The following SPG7 variants were observed in gnomAD, a reference collection of about 807,000 sequenced individuals.
The protein encoded by SPG7 is mitochondrial inner membrane m-AAA protease component paraplegin.
Under a neutral mutation model 81.9 loss-of-function variants are expected in SPG7, and 103 were observed. The ratio of observed to expected loss-of-function variants is 1.26; its 90% confidence interval spans 1.07 to 1.48. The LOEUF is 1.48. Ranked by LOEUF, SPG7 falls within the 40% of genes most tolerant of loss-of-function variation. The probability of loss-of-function intolerance (pLI) is 0.00; values close to 1 mark genes in which losing one functional copy is unlikely to be tolerated. For missense variants in SPG7, 1,241 were observed against 1,087.3 expected (o/e 1.14, Z -1.99); for synonymous variants, 534 against 444.2 (o/e 1.20, Z -2.54).
chr16:89,511,658 T>C (rs531865055), intron 2 of SPG7, among the ~76,000 whole-genome samples: 2 of 152,348 alleles, frequency 1.3e-5, no homozygotes, highest in East Asian at 3.9e-4. Flanking sequence ...GCCGTTTCAC[T>C]GGTGAACCCG....
Position 89,508,776 on chromosome 16 carries a change from C to T in SPG7, c.183+176C>T, listed in dbSNP as rs528294846. The stretch of plus-strand genomic sequence containing the variant: ...CGGAGCGACTGTTGGGGCCCTGGAT[C>T]GTGGGCGCTGGGCGGGCCGGGAAGA... On this transcript the variant is annotated intron_variant, in intron 1 of 16. Transcript: ENST00000645818. The T allele has an allele frequency of 2.3e-4, 179 of 779,488 alleles. 1 individual carries two copies. In the African/African-American group the frequency reaches 2.8e-3, roughly 12 times the overall value. 48.3% of individuals were successfully genotyped at this position (779,488 alleles called of 1,614,324 possible).
intron 3 of SPG7, chr16:89,519,828 C>CA (rs2058161536): frequency 6.6e-6 from 1 of 152,266 alleles, no homozygotes; most frequent in Non-Finnish European, 1.5e-5. Flanking sequence ...TCTTCAGGGG[C>CA]GGTTTCCAAG....
Position 89,512,943 on chromosome 16 carries a change from C to T in SPG7, c.287-5C>T. The T allele has an allele frequency of 6.2e-7, 1 of 1,612,742 alleles. No individual in the cohort carries two copies. Among genetic ancestry groups the T allele is most frequent in the Non-Finnish European group, 8.5e-7 (1 of 1,179,110 alleles). ...ATTGTTAAATCCTTTCTCTATTTCT[C>T]ATAGGTGGTACTTTCTATTTTAACA... On this transcript the variant is annotated splice_region_variant and splice_polypyrimidine_tract_variant and intron_variant, in intron 2 of 16. Transcript: ENST00000645818.
intron 16 of SPG7, 139 bp downstream of exon 16, chr16:89,554,702 C>T: frequency 1.5e-6 from 1 of 683,118 alleles, no homozygotes; most frequent in Non-Finnish European, 2.6e-6. Context: ...TTCTACCCAG[C>T]TCAACTGAAA....
intron 11 of SPG7, chr16:89,547,459 G>T: frequency 5.3e-6 from 1 of 188,342 alleles, no homozygotes; most frequent in Non-Finnish European, 1.1e-5. Flanking sequence ...CGGTGCAAGT[G>T]CCTGCCGCTC....
At chr16:89,528,272 G>A (rs1277165803) in intron 5 of SPG7, among the ~76,000 whole-genome samples, 4 of 151,828 alleles carry the variant, frequency 2.6e-5, no homozygotes, top group African/African-American at 9.7e-5. Context: ...GGTGCCTGTA[G>A]TCCCAGCTAC....
chr16:89,546,485 C>T, intron 10 of SPG7, 173 bp from the exon 11 acceptor site: 2 of 643,412 alleles, frequency 3.1e-6, no homozygotes, highest in Non-Finnish European at 5.7e-6. Context: ...CGAGACCAGC[C>T]TAGCCAACTT....
At chr16:89,553,758 T>A (rs1326607434) in intron 14 of SPG7, 36 bp from the exon 15 acceptor site, 5 of 1,609,936 alleles carry the variant, frequency 3.1e-6, no homozygotes, top group Admixed American at 3.3e-5. Context: ...GCGCCTGCAG[T>A]GCTGAGGATG....
At chr16:89,541,586 G>C (rs1458035566) in intron 9 of SPG7, 1 of 154,130 alleles carries the variant, frequency 6.5e-6, no homozygotes, top group Non-Finnish European at 1.4e-5. Context: ...GCACATAGGA[G>C]TGGGGGCATC....
chr16:89,549,472 A>C (rs2058607456), intron 12 of SPG7: 1 of 354,572 alleles, frequency 2.8e-6, no homozygotes, highest in African/African-American at 2.1e-5. Context: ...CAGCCTGGGC[A>C]ATACAGCAAG....
At chr16:89,532,771 AG>A in intron 9 of SPG7, 135 bp downstream of exon 9, 2 of 994,146 alleles carry the variant, frequency 2.0e-6, no homozygotes, top group Non-Finnish European at 1.5e-6. Context: ...CTCTGTCTCA[AG>A]AAAAAAAAAA....
intron 12 of SPG7, 107 bp from the exon 13 acceptor site, chr16:89,550,387 G>T: frequency 1.3e-6 from 1 of 792,262 alleles, no homozygotes; most frequent in African/African-American, 1.7e-5. Flanking sequence ...TGGTCGGGCT[G>T]GTCTCGAACT....
intron 9 of SPG7, among the ~76,000 whole-genome samples, chr16:89,535,908 C>A (rs111696644): frequency 1.2e-5 from 1 of 86,460 alleles, no homozygotes; most frequent in Non-Finnish European, 2.4e-5. Flanking sequence ...GTGGCCTTCA[C>A]TGTGGCCTCT....
At chr16:89,531,140 C>T in intron 7 of SPG7, 1 of 429,926 alleles carries the variant, frequency 2.3e-6, no homozygotes, top group East Asian at 5.0e-5. Context: ...GCATGAGCTG[C>T]CTATCACGTG....
chr16:89,527,147 G>T (rs1297730878), intron 5 of SPG7: 1 of 160,378 alleles, frequency 6.2e-6, no homozygotes, highest in Non-Finnish European at 1.4e-5. Context: ...ACAAAAATGT[G>T]TCTGTGCATG....
At chr16:89,554,022 T>C in intron 15 of SPG7, 62 bp downstream of exon 15, 2 of 1,574,368 alleles carry the variant, frequency 1.3e-6, no homozygotes, top group Admixed American at 1.7e-5. Context: ...TCCCTGGGTC[T>C]ACCACACAAG....
chr16:89,529,480 C>G lies in SPG7; in HGVS notation c.762C>G (p.Ala254=). 1.2e-6 allele frequency: 2 copies of G among 1,611,512 alleles called. No individual in the cohort carries two copies. Among genetic ancestry groups the G allele is most frequent in the Non-Finnish European group, 1.7e-6 (2 of 1,178,196 alleles). The change falls in exon 6 of 17, where the codon GCC becomes GCG. Residue 254 remains alanine (A), a synonymous_variant. Coordinates refer to ENST00000645818, the MANE Select transcript of SPG7 (RefSeq NM_003119.4). ...CTGCCTCTCTTTCTTCCGGCAGTGC[C>G]CTGTACTCTGTGGGGATGACGGCAG... The part of the protein sequence containing the change: ...SYKRTGFFGN[A]LYSVGMTAVG...
rs956927844 is a variant in SPG7, at chr16:89,553,516, A to T, written c.1937-278A>T. ...CCAGGTCCATGGGTTTGCCTCGCAT[A>T]GGCCTGGGCTTGTGCTTGAGAACTG... On this transcript the variant is annotated intron_variant, in intron 14 of 16. Transcript: ENST00000645818. 7 of 540,616 alleles carry T rather than the reference A, an allele frequency of 1.3e-5. No individual in the cohort carries two copies. The African/African-American group carries it at 1.3e-4, about 10-fold the overall frequency. 33.5% of individuals were successfully genotyped at this position (540,616 alleles called of 1,614,324 possible). A position where few individuals can be genotyped will look rare whatever the true frequency, so the allele number is the denominator to read the frequency against.
intron 9 of SPG7, among the ~76,000 whole-genome samples, chr16:89,536,609 TGGGTGAGGCGGGTGAGGGC>T (rs1567919073): frequency 2.9e-5 from 1 of 34,506 alleles, no homozygotes. Flanking sequence ...TGAGGTGAGG[TGGGTGAGGCGGGTGAGGGC>T]GGGTGAGGCG....
Sources: allele counts gnomAD v4.1 joint callset (sites outside exome capture counted in the v4.1 genomes callset), GRCh38; gene constraint gnomAD v4.1.1; transcripts MANE v1.5; gene names NCBI Gene and HGNC (gene_info 2026-07-23, HGNC 2026-07-21).